UNC93A: variants seen among roughly 807,000 people sequenced by gnomAD.
UNC93A encodes the protein unc-93 homolog A.
Under a neutral mutation model 47.5 loss-of-function variants are expected in UNC93A, and 43 were observed. That is an observed-to-expected ratio of 0.91 (90% confidence interval 0.71 to 1.17). The LOEUF (loss-of-function observed/expected upper bound fraction) is 1.17. UNC93A is among the 50% of genes most tolerant of loss of function. UNC93A has a pLI of 0.00. For missense variants in UNC93A, 605 were observed against 577.6 expected (o/e 1.05, Z -0.49); for synonymous variants, 280 against 258.0 (o/e 1.09, Z -0.82).
chr6:167,298,032 C>T lies in UNC93A; in HGVS notation c.587C>T (p.Ser196Phe), dbSNP rs1293257796. 6.2e-7 allele frequency: 1 copy of T among 1,614,104 alleles called. No individual in the cohort carries two copies. Among genetic ancestry groups the T allele is most frequent in the Admixed American group, 1.7e-5 (1 of 60,030 alleles). Residue 196 changes from serine to phenylalanine, a missense_variant, in exon 4 of 8, where the codon TCC (serine) becomes TTC (phenylalanine). By Grantham distance (155) the Ser-to-Phe change is radical (BLOSUM62 -2). Transcript: ENST00000230256. The part of the protein sequence containing the change: ...TTTTNSTQRP[S>F]QQLVYTLLGI... ...ACCACCAACAGCACCCAGAGGCCCT[C>T]CCAGCAGCTGGTCTACACCCTCCTG...
upstream of UNC93A, among the ~76,000 whole-genome samples, chr6:167,289,107 G>A (rs192319118): frequency 2.6e-5 from 4 of 152,404 alleles, no homozygotes; most frequent in East Asian, 1.9e-4. Flanking sequence ...CACACACAGA[G>A]CTCATAACGC....
intron 4 of UNC93A, among the ~76,000 whole-genome samples, chr6:167,302,836 T>G (rs1778279444): frequency 6.6e-6 from 1 of 152,204 alleles, no homozygotes; most frequent in African/African-American, 2.4e-5. Context: ...AGCTGCGGTC[T>G]GAGAACCTTA....
chr6:167,281,287 C>T (rs1269775195), intron 1 of UNC93A, among the ~76,000 whole-genome samples: 1 of 152,110 alleles, frequency 6.6e-6, no homozygotes, highest in Non-Finnish European at 1.5e-5. Context: ...GGAGGATGCC[C>T]ACCAAGGGGA....
intron 4 of UNC93A, among the ~76,000 whole-genome samples, chr6:167,303,144 C>T (rs1009476905): frequency 1.3e-5 from 2 of 152,164 alleles, no homozygotes; most frequent in African/African-American, 2.4e-5. Context: ...AAAGGGTGTG[C>T]GGTGGGGAGT....
At chr6:167,276,464 A>G (rs910117135) in intron 1 of UNC93A, among the ~76,000 whole-genome samples, 2 of 152,154 alleles carry the variant, frequency 1.3e-5, no homozygotes, top group Admixed American at 6.6e-5. Context: ...TTACATTCCT[A>G]CCAATAGTTT....
rs1783839137 is a variant in UNC93A, at chr6:167,291,493, G to A, written c.4G>A (p.Asp2Asn). 1.1e-5 allele frequency: 18 copies of A among 1,613,608 alleles called. No homozygotes were observed. The highest frequency in any genetic ancestry group is 1.5e-5 in the Non-Finnish European group (18 of 1,179,828). The change falls in exon 1 of 8, where the codon GAC (aspartate) becomes AAC (asparagine). Residue 2 changes from aspartate to asparagine, a missense_variant. Coordinates refer to ENST00000230256, the MANE Select transcript of UNC93A (RefSeq NM_018974.4). M[D>N]RSLRNVLVVS... ...ATTGATCTTTTCATCCAGCACAATG[G>A]ACAGAAGTCTAAGGAACGTCCTTGT...
At chr6:167,297,260 T>C (rs1197120431) in intron 3 of UNC93A, among the ~76,000 whole-genome samples, 1 of 152,194 alleles carries the variant, frequency 6.6e-6, no homozygotes, top group Admixed American at 6.5e-5. Flanking sequence ...TTGGAGGGCG[T>C]CGTGTGCTTC....
In UNC93A at chr6:167,295,908, C is replaced by T. The variant is rs957870977; in HGVS notation, c.270-124C>T. 1.7e-5 allele frequency: 14 copies of T among 813,808 alleles called. No individual in the cohort carries two copies. In the African/African-American group the frequency reaches 2.1e-4, roughly 12 times the overall value. 50.4% of individuals were successfully genotyped at this position (813,808 alleles called of 1,614,324 possible). A position where few individuals can be genotyped will look rare whatever the true frequency, so the allele number is the denominator to read the frequency against. On this transcript the variant is annotated intron_variant, in intron 2 of 7. Transcript: ENST00000230256. ...CATCCATCCAACCAGCAACACTCAT[C>T]ACCACGCTTGCAATGGGCCAGGCGG...
intron 4 of UNC93A, among the ~76,000 whole-genome samples, chr6:167,301,689 A>G (rs1778244806): frequency 1.3e-5 from 2 of 152,104 alleles, no homozygotes; most frequent in Non-Finnish European, 2.9e-5. Flanking sequence ...CCTTCCCACA[A>G]GGCTTTCGGG....
In UNC93A at chr6:167,315,427, A is replaced by T; in HGVS notation, c.1349A>T (p.Asp450Val). The change falls in exon 8 of 8, where the codon GAT becomes GTT. Residue 450 changes from aspartate to valine, a missense_variant. Asp to Val is a radical substitution (Grantham distance 152, BLOSUM62 -3). Transcript: ENST00000230256. ...CCAGGACAGGTCAACCAGGCAGAGG[A>T]TGAAGAAATACAAACAAAAATGTGA... ...HAPGQVNQAE[D>V]EEIQTKM The T allele has an allele frequency of 6.2e-7, 1 of 1,614,002 alleles. No homozygotes were observed. The highest frequency in any genetic ancestry group is 8.5e-7 in the Non-Finnish European group (1 of 1,179,870).
At chr6:167,285,522 C>T (rs901895535) in intron 1 of UNC93A, among the ~76,000 whole-genome samples, 10 of 151,886 alleles carry the variant, frequency 6.6e-5, no homozygotes, top group African/African-American at 2.2e-4. Flanking sequence ...TGGCCTGACT[C>T]GCCCGTGGGG....
At position 167,315,531 on chromosome 6, in the gene UNC93A, G is replaced by A. The variant is rs1778670602; in HGVS notation, c.*79G>A. 3.1e-6 allele frequency: 5 copies of A among 1,606,528 alleles called. No individual in the cohort carries two copies. The highest frequency in any genetic ancestry group is 1.1e-5 in the South Asian group (1 of 89,954). The stretch of plus-strand genomic sequence containing the variant: ...CTTAGAAGATGCCTCAGGACATAGA[G>A]CGGCTCCTCATCACCATCTCAGCAC... On this transcript the variant is annotated 3_prime_UTR_variant, in exon 8 of 8. Transcript: ENST00000230256.
intron 7 of UNC93A, among the ~76,000 whole-genome samples, chr6:167,308,885 G>C (rs1445603183): frequency 1.3e-5 from 2 of 152,142 alleles, no homozygotes; most frequent in Non-Finnish European, 2.9e-5. Context: ...GATAGAAGGT[G>C]ACATCCCATG....
chr6:167,305,929 C>T lies in UNC93A; in HGVS notation c.855C>T (p.Cys285=). The change falls in exon 6 of 8, where the codon TGC becomes TGT. Residue 285 remains cysteine, a synonymous_variant. Transcript: ENST00000230256. ...CCTCTCCCCAGTCCTATGTCACCTGCACCCTGGGCATCCAGTTCGTCGGCT... is the reference window on the plus strand; with the variant it reads ...CCTCTCCCCAGTCCTATGTCACCTGTACCCTGGGCATCCAGTTCGTCGGCT... The part of the protein sequence containing the change: ...SSEYTRSYVT[C]TLGIQFVGYV... 6.2e-7 allele frequency: 1 copy of T among 1,614,176 alleles called. No individual in the cohort carries two copies. Among genetic ancestry groups the T allele is most frequent in the South Asian group, 1.1e-5 (1 of 91,082 alleles).
chr6:167,277,015 G>C (rs1783555290), intron 1 of UNC93A, among the ~76,000 whole-genome samples: 1 of 152,218 alleles, frequency 6.6e-6, no homozygotes, highest in Admixed American at 6.5e-5. Context: ...CTGGGACTTG[G>C]CAAGCCCAAG....
At chr6:167,304,647 C>T (rs143663146) in intron 5 of UNC93A, among the ~76,000 whole-genome samples, 5 of 152,126 alleles carry the variant, frequency 3.3e-5, no homozygotes, top group East Asian at 3.9e-4. Flanking sequence ...CTCAGCTCAC[C>T]GCAACCTCTG....
rs988065732 is a variant in UNC93A at position 167,298,045 on chromosome 6, C to T, written c.600C>T (p.Val200=). 1.2e-6 allele frequency: 2 copies of T among 1,613,574 alleles called. No homozygotes were observed. Among genetic ancestry groups the T allele is most frequent in the Admixed American group, 1.7e-5 (1 of 59,974 alleles). The part of the protein sequence containing the change: ...NSTQRPSQQL[V]YTLLGIYTGS... ...CCCAGAGGCCCTCCCAGCAGCTGGTCTACACCCTCCTGGGCATCTACACTG... is the reference window on the plus strand; with the variant it reads ...CCCAGAGGCCCTCCCAGCAGCTGGTTTACACCCTCCTGGGCATCTACACTG... The change falls in exon 4 of 8, where the codon GTC becomes GTT. Residue 200 remains valine (V), a synonymous_variant. Coordinates refer to ENST00000230256, the MANE Select transcript of UNC93A (RefSeq NM_018974.4).
chr6:167,299,800 G>T (rs550979479), intron 4 of UNC93A, among the ~76,000 whole-genome samples: 2 of 152,246 alleles, frequency 1.3e-5, no homozygotes, highest in Non-Finnish European at 2.9e-5. Flanking sequence ...AGCCCGCAGG[G>T]CTGGGGGCAA....
intron 2 of UNC93A, among the ~76,000 whole-genome samples, 174 bp from the exon 3 acceptor site, chr6:167,295,858 A>C (rs1014681534): frequency 6.6e-6 from 1 of 152,220 alleles, no homozygotes; most frequent in Non-Finnish European, 1.5e-5. Flanking sequence ...GATATTGCTC[A>C]TTTTTCTGAG....
Sources: gnomAD v4.1 joint callset for allele counts (sites outside exome capture counted in the v4.1 genomes callset) on GRCh38, gnomAD v4.1.1 for gene constraint, MANE v1.5 for transcripts, NCBI Gene and HGNC (gene_info 2026-07-23, HGNC 2026-07-21) for gene names.